Variants in CTNNA2 observed in about 807,000 individuals in gnomAD.
CTNNA2 encodes the protein catenin alpha 2.
A neutral mutation model predicts 101.0 loss-of-function variants in CTNNA2; 42 were observed. That is an observed-to-expected ratio of 0.42 (90% CI 0.32 to 0.54). CTNNA2 has a LOEUF of 0.54. Ranked by LOEUF, CTNNA2 falls within the 20% of genes least tolerant of loss-of-function variation. The probability of loss-of-function intolerance (pLI) is 0.14; values close to 1 mark genes in which losing one functional copy is unlikely to be tolerated. For synonymous variants in CTNNA2, 450 were observed against 456.4 expected (o/e 0.99, Z 0.18); for missense variants, 871 against 1,223.1 (o/e 0.71, Z 4.29).
At chr2:80,116,656 A>T (rs1016860282) in intron 7 of CTNNA2, among the ~76,000 whole-genome samples, 1 of 151,414 alleles carries the variant, frequency 6.6e-6, no homozygotes, top group Non-Finnish European at 1.5e-5. Flanking sequence ...TTGGGTGACA[A>T]TGTGTTTAGA....
intron 7 of CTNNA2, among the ~76,000 whole-genome samples, chr2:80,154,313 C>T (rs1164006970): frequency 6.6e-6 from 1 of 151,902 alleles, no homozygotes; most frequent in Non-Finnish European, 1.5e-5. Flanking sequence ...GGTGAATCGC[C>T]CGTTGGTTTA....
chr2:80,090,144 CTCTGTGTGTG>C (rs1391552277), intron 7 of CTNNA2, among the ~76,000 whole-genome samples: 12 of 86,662 alleles, frequency 1.4e-4, no homozygotes, highest in African/African-American at 5.2e-4. Flanking sequence ...CTCTCTCTCT[CTCTGTGTGTG>C]TGTGTGTGTG....
chr2:80,545,612 A>G (rs1391653968), intron 10 of CTNNA2, among the ~76,000 whole-genome samples: 2 of 152,182 alleles, frequency 1.3e-5, no homozygotes, highest in Admixed American at 1.3e-4. Flanking sequence ...AAACTTGCAC[A>G]TGTGGAAAGC....
chr2:80,338,624 C>T (rs1217729064), intron 7 of CTNNA2, among the ~76,000 whole-genome samples: 1 of 152,134 alleles, frequency 6.6e-6, no homozygotes, highest in Non-Finnish European at 1.5e-5. Flanking sequence ...TGAGCATGGC[C>T]GACTCTGGAG....
rs80221336 is a variant in CTNNA2 at position 79,862,662 on chromosome 2, C to A, written c.465+4483C>A. Among the ~76,000 whole-genome samples, 470 of 152,184 alleles carry A rather than the reference C, an allele frequency of 3.1e-3. 5 individuals carry two copies. Among genetic ancestry groups the A allele is most frequent in the East Asian group, 0.024 (125 of 5,168 alleles). ...TTAAGAACTATTTATTAGGTGCTGACCATATGCAAAACACTGTGCCAAGAT... is the reference window on the plus strand; with the variant it reads ...TTAAGAACTATTTATTAGGTGCTGAACATATGCAAAACACTGTGCCAAGAT... On this transcript the variant is annotated intron_variant, in intron 4 of 18. Coordinates refer to ENST00000402739, the MANE Select transcript of CTNNA2 (RefSeq NM_001282597.3).
chr2:79,606,583 A>C lies in CTNNA2; in HGVS notation c.-5-44969A>C, dbSNP rs1217472016. 2.0e-5 allele frequency among the ~76,000 whole-genome samples: 3 copies of C among 152,236 alleles called. No individual in the cohort carries two copies. In the East Asian group the frequency reaches 5.8e-4, roughly 29 times the overall value. ...ACGCCTGGCCAATATTGAGTGTTTA[A>C]ACAAAAATAATAACATCATGGTATA... On this transcript the variant is annotated intron_variant, in intron 1 of 18. Transcript: ENST00000402739.
intron 2 of CTNNA2, among the ~76,000 whole-genome samples, chr2:79,681,902 A>T (rs1436558839): frequency 6.6e-6 from 1 of 152,218 alleles, no homozygotes; most frequent in African/African-American, 2.4e-5. Context: ...TTTGAGGTTT[A>T]TTAGAAAATC....
chr2:79,449,326 G>C (rs1362864357), intron 4 of CTNNA2, among the ~76,000 whole-genome samples: 1 of 151,956 alleles, frequency 6.6e-6, no homozygotes, highest in Admixed American at 6.6e-5. Flanking sequence ...TTGTTATACA[G>C]GTGGAATCAT....
rs910955270 is a variant in CTNNA2, at chr2:80,220,558, T to A, written c.1057-172653T>A. On this transcript the variant is annotated intron_variant, in intron 7 of 18. Coordinates refer to ENST00000402739, the MANE Select transcript of CTNNA2 (RefSeq NM_001282597.3). ...GCAACATAGCAAGACCTCGGCTCTA[T>A]TAAAAATAAAATTAAAGAGTTAAGA... 2.0e-5 allele frequency among the ~76,000 whole-genome samples: 3 copies of A among 152,198 alleles called. No homozygotes were observed. The East Asian group carries it at 5.8e-4, about 29-fold the overall frequency.
intron 3 of CTNNA2, among the ~76,000 whole-genome samples, chr2:79,790,580 A>G (rs1354870809): frequency 1.3e-5 from 2 of 152,200 alleles, no homozygotes; most frequent in Admixed American, 1.3e-4. Flanking sequence ...TAATGTTAGA[A>G]ATACAATGGG....
chr2:79,924,967 G>A (rs1451508614), intron 7 of CTNNA2, among the ~76,000 whole-genome samples: 1 of 152,048 alleles, frequency 6.6e-6, no homozygotes, highest in Non-Finnish European at 1.5e-5. Flanking sequence ...TTCAGAGTCT[G>A]TTGAATGCTA....
At chr2:79,554,840 T>G (rs1256679142) in intron 1 of CTNNA2, among the ~76,000 whole-genome samples, 1 of 152,184 alleles carries the variant, frequency 6.6e-6, no homozygotes, top group African/African-American at 2.4e-5. Context: ...GTTTGTTTTC[T>G]TTCTTTGTGA....
chr2:79,999,971 C>T (rs981388787), intron 7 of CTNNA2, among the ~76,000 whole-genome samples: 1 of 151,982 alleles, frequency 6.6e-6, no homozygotes, highest in African/African-American at 2.4e-5. Flanking sequence ...GAAAGAAGAC[C>T]TGTGGGGAGG....
At chr2:79,445,096 A>G (rs558085133) in intron 4 of CTNNA2, among the ~76,000 whole-genome samples, 1 of 152,306 alleles carries the variant, frequency 6.6e-6, no homozygotes, top group South Asian at 2.1e-4. Context: ...AGGGTTGAGA[A>G]CTAAATCCAA....
intron 12 of CTNNA2, among the ~76,000 whole-genome samples, chr2:80,570,259 G>A (rs1316554233): frequency 6.6e-6 from 1 of 152,080 alleles, no homozygotes; most frequent in East Asian, 1.9e-4. Flanking sequence ...ATGTTGCCCA[G>A]GCTATTCTTG....
At chr2:79,920,690 T>C (rs1686592453) in intron 7 of CTNNA2, among the ~76,000 whole-genome samples, 1 of 152,240 alleles carries the variant, frequency 6.6e-6, no homozygotes, top group Admixed American at 6.5e-5. Context: ...CTTGGCTTCT[T>C]CATGACTCAC....
At chr2:80,604,053 A>G (rs372053424) in intron 15 of CTNNA2, 21 bp from the exon 16 acceptor site, 2 of 1,592,782 alleles carry the variant, frequency 1.3e-6, no homozygotes, top group Non-Finnish European at 1.7e-6. Context: ...ATTTCTAATT[A>G]TGTTGTATAT....
At chr2:79,486,960 T>C (rs747554702) in intron 4 of CTNNA2, among the ~76,000 whole-genome samples, 4 of 152,336 alleles carry the variant, frequency 2.6e-5, no homozygotes, top group Non-Finnish European at 5.9e-5. Flanking sequence ...ATGCTACATA[T>C]AGGCAGCATG....
At chr2:80,014,496 A>G (rs1694000608) in intron 7 of CTNNA2, among the ~76,000 whole-genome samples, 1 of 152,016 alleles carries the variant, frequency 6.6e-6, no homozygotes, top group Non-Finnish European at 1.5e-5. Context: ...AAGTGCTACC[A>G]TATATCATAT....
Sources: allele counts gnomAD v4.1 joint callset (sites outside exome capture counted in the v4.1 genomes callset), GRCh38; gene constraint gnomAD v4.1.1; transcripts MANE v1.5; gene names NCBI Gene and HGNC (gene_info 2026-07-23, HGNC 2026-07-21).